Variants in YEATS2 observed in about 807,000 individuals in gnomAD.
YEATS2 encodes YEATS domain containing 2.
YEATS2 carries 77 observed loss-of-function variants against 163.2 expected under a neutral mutation model. The observed-to-expected ratio is 0.47, with a 90% CI of 0.39 to 0.57. The LOEUF is 0.57. YEATS2 is among the 20% of genes least tolerant of loss of function. The probability of loss-of-function intolerance (pLI) is 0.00; values close to 1 mark genes in which losing one functional copy is unlikely to be tolerated. For synonymous variants in YEATS2, 631 were observed against 645.1 expected, an observed-to-expected ratio of 0.98 and a Z score of 0.33; for missense variants, 1,549 against 1,729.8, an observed-to-expected ratio of 0.90 and a Z score of 1.85.
In YEATS2 at chr3:183,804,117, C is replaced by T. The variant is rs766121239; in HGVS notation, c.3713C>T (p.Pro1238Leu). 33 of 1,614,018 alleles carry T rather than the reference C, an allele frequency of 2.0e-5. No homozygotes were observed. Among genetic ancestry groups the T allele is most frequent in the South Asian group, 4.4e-5 (4 of 91,084 alleles). ...HWCRCHGYTP[P>L]DPESLRNDGD... ...TGCCGCTGTCATGGCTACACCCCAC[C>T]GGACCCTGAGAGCCTGAGGAATGAC... Residue 1238 changes from proline to leucine, a missense_variant, in exon 27 of 31, where the codon CCG becomes CTG. Coordinates refer to ENST00000305135, the MANE Select transcript of YEATS2 (RefSeq NM_018023.5).
At position 183,801,415 on chromosome 3, in the gene YEATS2, TATTTA is replaced by T. The variant is rs1363872941; in HGVS notation, c.3429-34_3429-30del. ...ATATGGCTATAGAAACTGCTACATG[TATTTA>T]ATTTATTGCCTTAATTTTTTTTTAT... On this transcript the variant is annotated intron_variant, in intron 24 of 30. Coordinates refer to ENST00000305135, the MANE Select transcript of YEATS2 (RefSeq NM_018023.5). 7 of 1,461,644 alleles carry T rather than the reference TATTTA, an allele frequency of 4.8e-6. No individual in the cohort carries two copies. The Admixed American group carries it at 7.4e-5, about 15-fold the overall frequency. 90.5% of individuals were successfully genotyped at this position (1,461,644 alleles called of 1,614,324 possible).
chr3:183,754,674 G>A (rs916803002), intron 11 of YEATS2, among the ~76,000 whole-genome samples: 5 of 152,144 alleles, frequency 3.3e-5, no homozygotes, highest in African/African-American at 1.2e-4. Flanking sequence ...TCGTGTTTGG[G>A]GATTATATAC....
intron 26 of YEATS2, 165 bp downstream of exon 26, chr3:183,803,500 C>A: frequency 1.4e-6 from 1 of 690,256 alleles, no homozygotes; most frequent in Non-Finnish European, 2.4e-6. Flanking sequence ...GACTTTCAGG[C>A]GTGCCTTCTT....
At chr3:183,720,817 G>A (rs1256711524) in intron 4 of YEATS2, among the ~76,000 whole-genome samples, 1 of 152,080 alleles carries the variant, frequency 6.6e-6, no homozygotes, top group Non-Finnish European at 1.5e-5. Flanking sequence ...CTAAGGCTCC[G>A]GGGAAGAATC....
intron 1 of YEATS2, among the ~76,000 whole-genome samples, chr3:183,708,138 C>T (rs1417057832): frequency 3.4e-5 from 5 of 149,086 alleles, no homozygotes; most frequent in African/African-American, 1.2e-4. Flanking sequence ...GATTTTACTC[C>T]TTTCTCCTCA....
chr3:183,719,675 C>CA (rs1553859092), intron 4 of YEATS2, among the ~76,000 whole-genome samples: 16 of 148,850 alleles, frequency 1.1e-4, no homozygotes, highest in African/African-American at 3.4e-4. Context: ...TGTTTTCTTT[C>CA]TTTTTTTTTT....
rs188402283 is a variant in YEATS2 at position 183,706,612 on chromosome 3, T to C, written c.-19-8532T>C. On this transcript the variant is annotated intron_variant, in intron 1 of 30. Transcript: ENST00000305135. ...CGGGCAGATCACCTGAGATCGGGAG[T>C]TCGAGACCAGCATGACCAACATGGA... is the stretch of plus-strand genomic sequence containing the variant. Among the ~76,000 whole-genome samples, 53 of 151,992 alleles carry C rather than the reference T, an allele frequency of 3.5e-4. 1 individual carries two copies. The East Asian group carries it at 6.4e-3, about 18-fold the overall frequency.
rs548242908 is a variant in YEATS2 at position 183,799,825 on chromosome 3, T to C, written c.3326-641T>C. Among the ~76,000 whole-genome samples the C allele has an allele frequency of 1.7e-4, 25 of 149,556 alleles. 1 individual carries two copies. The South Asian group carries it at 5.1e-3, about 31-fold the overall frequency. ...TACTTTAGAGTAGCATTGTTTTTTT[T>C]TTTTTTCTTTTTTTTTTTTTGTTTT... On this transcript the variant is annotated intron_variant, in intron 23 of 30. Coordinates refer to ENST00000305135, the MANE Select transcript of YEATS2 (RefSeq NM_018023.5).
In YEATS2 at chr3:183,801,548, T is replaced by C; in HGVS notation, c.3502+20T>C. The C allele has an allele frequency of 6.4e-6, 10 of 1,569,882 alleles. No homozygotes were observed. Among genetic ancestry groups the C allele is most frequent in the Non-Finnish European group, 8.7e-6 (10 of 1,153,838 alleles). Reference sequence around the variant, plus strand: ...CAAAAAGTAAGACAATTACACTGAATATAGGGGTGCATTTTTGAAAGCTGT... The same window carrying C: ...CAAAAAGTAAGACAATTACACTGAACATAGGGGTGCATTTTTGAAAGCTGT... On this transcript the variant is annotated intron_variant, in intron 25 of 30. Coordinates refer to ENST00000305135, the MANE Select transcript of YEATS2 (RefSeq NM_018023.5).
chr3:183,800,573 T>C lies in YEATS2; in HGVS notation c.3428+5T>C. ...GCTGGGAAACTATGTCATTAAGTAA[T>C]TCTTCCAATCTTTCCTAAAGGAATT... On this transcript the variant is annotated splice_donor_5th_base_variant and intron_variant, in intron 24 of 30. Coordinates refer to ENST00000305135, the MANE Select transcript of YEATS2 (RefSeq NM_018023.5). 4 of 1,611,756 alleles carry C rather than the reference T, an allele frequency of 2.5e-6. No homozygotes were observed. The highest frequency in any genetic ancestry group is 3.4e-6 in the Non-Finnish European group (4 of 1,178,034).
At chr3:183,782,990 G>C (rs536774987) in intron 19 of YEATS2, among the ~76,000 whole-genome samples, 1 of 152,328 alleles carries the variant, frequency 6.6e-6, no homozygotes, top group African/African-American at 2.4e-5. Context: ...CACCAACACG[G>C]AGGATTGTCA....
chr3:183,799,999 A>AT (rs1284670791), intron 23 of YEATS2, among the ~76,000 whole-genome samples: 1 of 151,546 alleles, frequency 6.6e-6, no homozygotes, highest in Admixed American at 6.6e-5. Context: ...CGCCCGGCTA[A>AT]TTTTTTGTAT....
intron 8 of YEATS2, among the ~76,000 whole-genome samples, chr3:183,741,165 C>T (rs1464435950): frequency 6.6e-6 from 1 of 151,910 alleles, no homozygotes; most frequent in Non-Finnish European, 1.5e-5. Context: ...TCTCAAACTC[C>T]TGAACTCAAG....
chr3:183,779,155 C>T (rs971946945), intron 19 of YEATS2, among the ~76,000 whole-genome samples: 3 of 151,928 alleles, frequency 2.0e-5, no homozygotes, highest in South Asian at 2.1e-4. Context: ...GTGGTCTGCC[C>T]GCCTCGGCCT....
At chr3:183,721,779 G>T (rs1716513643) in intron 4 of YEATS2, 112 bp from the exon 5 acceptor site, 4 of 1,414,266 alleles carry the variant, frequency 2.8e-6, no homozygotes, top group Non-Finnish European at 3.8e-6. Context: ...GGGAGATTTT[G>T]AAAGATTTTA....
chr3:183,773,638 G>A lies in YEATS2; in HGVS notation c.2212G>A (p.Ala738Thr), dbSNP rs1222562650. Reference protein sequence around the residue: ...QKSGSQGSVMATLQLPATNLA... With the variant: ...QKSGSQGSVMTTLQLPATNLA... ...TTTCTCCTTTACCATTTTAGTAATG[G>A]CAACGTTGCAGCTACCAGCCACTAA... The change falls in exon 17 of 31, where the codon GCA (alanine) becomes ACA (threonine). Residue 738 changes from alanine (A) to threonine (T), a missense_variant. Coordinates refer to ENST00000305135, the MANE Select transcript of YEATS2 (RefSeq NM_018023.5). 1 of 1,599,036 alleles carries A rather than the reference G, an allele frequency of 6.3e-7. No individual in the cohort carries two copies. Among genetic ancestry groups the A allele is most frequent in the Non-Finnish European group, 8.5e-7 (1 of 1,175,048 alleles).
intron 17 of YEATS2, among the ~76,000 whole-genome samples, chr3:183,774,364 C>G (rs896484322): frequency 6.6e-6 from 1 of 152,084 alleles, no homozygotes; most frequent in Non-Finnish European, 1.5e-5. Context: ...GTTGTGTGCT[C>G]CTTATGAGAA....
chr3:183,709,311 A>G (rs1714941630), intron 1 of YEATS2, among the ~76,000 whole-genome samples: 1 of 152,074 alleles, frequency 6.6e-6, no homozygotes. Context: ...GGAAAAAATC[A>G]TTTATTTTCT....
At chr3:183,703,045 T>G (rs1714269057) in intron 1 of YEATS2, among the ~76,000 whole-genome samples, 2 of 152,068 alleles carry the variant, frequency 1.3e-5, no homozygotes, top group South Asian at 4.1e-4. Context: ...GCCGTTTTAT[T>G]TATAGGAAAG....
Sources: gnomAD v4.1 joint callset for allele counts (sites outside exome capture counted in the v4.1 genomes callset) on GRCh38, gnomAD v4.1.1 for gene constraint, MANE v1.5 for transcripts, NCBI Gene and HGNC (gene_info 2026-07-23, HGNC 2026-07-21) for gene names.